RNF216: variants seen among roughly 807,000 people sequenced by gnomAD.
RNF216 encodes the protein ring finger protein 216.
A neutral mutation model predicts 110.8 loss-of-function variants in RNF216; 72 were observed. That is an observed-to-expected ratio of 0.65 (90% confidence interval 0.54 to 0.79). The LOEUF is 0.79. Among genes scored for constraint, RNF216 ranks in the 30% least tolerant of loss-of-function variants. The pLI is 0.00. For synonymous variants in RNF216, 495 were observed against 407.5 expected, an observed-to-expected ratio of 1.21 and a Z score of -2.59; for missense variants, 1,342 against 1,141.2, an observed-to-expected ratio of 1.18 and a Z score of -2.54.
Position 5,676,010 on chromosome 7 carries a change from T to G in RNF216, c.2062-23500A>C, listed in dbSNP as rs1262618102. Among the ~76,000 whole-genome samples the G allele has an allele frequency of 2.1e-5, 3 of 141,932 alleles. 1 individual carries two copies. The highest frequency in any genetic ancestry group is 2.0e-4 in the Admixed American group (3 of 14,838). The allele number at this position is 141,932 out of a possible 152,430, so 93.1% of individuals were successfully genotyped here. A position where few individuals can be genotyped will look rare whatever the true frequency, so the allele number is the denominator to read the frequency against. On this transcript the variant is annotated intron_variant, in intron 13 of 16. Transcript: ENST00000389902. ...AGGCGTGAGCTACTGCGCCTGGCCCTCTTCTTTTTTCTTTTTTTTTTTGAG... is the reference window on the plus strand; with the variant it reads ...AGGCGTGAGCTACTGCGCCTGGCCCGCTTCTTTTTTCTTTTTTTTTTTGAG...
At chr7:5,742,139 C>T (rs925463349) in intron 3 of RNF216, among the ~76,000 whole-genome samples, 10 of 152,140 alleles carry the variant, frequency 6.6e-5, no homozygotes, top group South Asian at 2.1e-4. Flanking sequence ...CTCTGCCTCC[C>T]GGGCTCAAGC....
chr7:5,691,767 T>G (rs1014365488), intron 13 of RNF216, among the ~76,000 whole-genome samples: 4 of 152,204 alleles, frequency 2.6e-5, no homozygotes, highest in Non-Finnish European at 5.9e-5. Context: ...TGTATGAAAT[T>G]GAGGTCAGAG....
intron 13 of RNF216, among the ~76,000 whole-genome samples, chr7:5,685,191 A>G (rs117208734): frequency 0.02 from 2,973 of 152,248 alleles, 45 homozygotes; most frequent in Non-Finnish European, 0.031. Flanking sequence ...AATGTCCACC[A>G]CGGATGGGTG....
chr7:5,657,541 T>C (rs1027751361), intron 13 of RNF216, among the ~76,000 whole-genome samples: 1 of 151,752 alleles, frequency 6.6e-6, no homozygotes, highest in Non-Finnish European at 1.5e-5. Context: ...CACTCCAGCC[T>C]GGGCAACAAG....
At chr7:5,665,396 T>G (rs1789441798) in intron 13 of RNF216, among the ~76,000 whole-genome samples, 1 of 152,218 alleles carries the variant, frequency 6.6e-6, no homozygotes, top group Non-Finnish European at 1.5e-5. Context: ...TTTTTTGTTT[T>G]CATACACACC....
chr7:5,703,020 C>T (rs1274361838), intron 13 of RNF216, among the ~76,000 whole-genome samples: 3 of 152,178 alleles, frequency 2.0e-5, no homozygotes, highest in South Asian at 4.1e-4. Flanking sequence ...CGGCCTGAAC[C>T]TGAAGCTCTT....
intron 13 of RNF216, among the ~76,000 whole-genome samples, chr7:5,686,750 GT>G (rs1791011960): frequency 6.6e-6 from 1 of 152,200 alleles, no homozygotes; most frequent in Non-Finnish European, 1.5e-5. Context: ...AACATTTTTG[GT>G]CCTAGGAACC....
intron 9 of RNF216, among the ~76,000 whole-genome samples, chr7:5,717,055 A>T (rs946261582): frequency 6.6e-6 from 1 of 152,212 alleles, no homozygotes; most frequent in African/African-American, 2.4e-5. Flanking sequence ...CAAACTGAAC[A>T]AATAAAAACT....
intron 1 of RNF216, among the ~76,000 whole-genome samples, chr7:5,767,092 T>A (rs752699727): frequency 3.9e-5 from 6 of 152,238 alleles, no homozygotes; most frequent in Non-Finnish European, 4.4e-5. Context: ...AGACTTTGGC[T>A]CTGGCCATGA....
chr7:5,695,384 C>T (rs1210612617), intron 13 of RNF216, among the ~76,000 whole-genome samples: 1 of 152,146 alleles, frequency 6.6e-6, no homozygotes, highest in African/African-American at 2.4e-5. Flanking sequence ...ACTCCCCAGT[C>T]TGAGGGCCCG....
intron 1 of RNF216, chr7:5,774,907 G>A (rs1395171593): frequency 6.6e-6 from 1 of 152,028 alleles, no homozygotes; most frequent in Admixed American, 6.6e-5. Flanking sequence ...TTGCCACCAT[G>A]CCCAGCTAAT....
chr7:5,643,022 T>C (rs939353277), intron 14 of RNF216, among the ~76,000 whole-genome samples: 1 of 152,054 alleles, frequency 6.6e-6, no homozygotes, highest in Non-Finnish European at 1.5e-5. Context: ...GAGGGTCTAT[T>C]TGCTTGCTCA....
intron 15 of RNF216, among the ~76,000 whole-genome samples, chr7:5,634,346 C>G (rs528369264): frequency 1.3e-5 from 2 of 152,232 alleles, no homozygotes; most frequent in African/African-American, 4.8e-5. Flanking sequence ...TGTGTGGCCA[C>G]AGCTGTTGTT....
intron 1 of RNF216, among the ~76,000 whole-genome samples, chr7:5,765,906 T>A (rs531034880): frequency 4.8e-5 from 7 of 146,692 alleles, no homozygotes; most frequent in African/African-American, 1.8e-4. Flanking sequence ...TGAGCCCAGA[T>A]TGCACCACTG....
chr7:5,638,306 T>G (rs1787524159), intron 15 of RNF216, among the ~76,000 whole-genome samples: 1 of 152,250 alleles, frequency 6.6e-6, no homozygotes, highest in Admixed American at 6.5e-5. Flanking sequence ...TCCTGTTTTT[T>G]GGGATATTTA....
chr7:5,728,282 T>G (rs1325452261), intron 7 of RNF216, among the ~76,000 whole-genome samples: 1 of 152,064 alleles, frequency 6.6e-6, no homozygotes, highest in East Asian at 1.9e-4. Context: ...CTATTTTTCT[T>G]TCAGTCTTTT....
intron 5 of RNF216, 78 bp from the exon 6 acceptor site, chr7:5,730,895 A>G (rs1489826696): frequency 6.4e-7 from 1 of 1,572,106 alleles, no homozygotes; most frequent in Non-Finnish European, 8.7e-7. Flanking sequence ...CAATGGTTGA[A>G]GAATATAGTC....
intron 2 of RNF216, among the ~76,000 whole-genome samples, 169 bp from the exon 3 acceptor site, chr7:5,753,148 T>C (rs1449272979): frequency 6.6e-6 from 1 of 152,242 alleles, no homozygotes; most frequent in African/African-American, 2.4e-5. Flanking sequence ...GTTTCTATGC[T>C]GACTTTTGCC....
rs1786578595 is a variant in RNF216 at position 5,624,357 on chromosome 7, G to C, written c.2383-232C>G. Among the ~76,000 whole-genome samples, 1 of 152,238 alleles carries C rather than the reference G, an allele frequency of 6.6e-6. No individual in the cohort carries two copies. Among genetic ancestry groups the C allele is most frequent in the Non-Finnish European group, 1.5e-5 (1 of 68,044 alleles). On this transcript the variant is annotated intron_variant, in intron 15 of 16. Coordinates refer to ENST00000389902, the MANE Select transcript of RNF216 (RefSeq NM_207111.4). This position sits in a 1 kb window ranked among gnomAD's most constrained non-coding sequence, Gnocchi z 4.4. The stretch of plus-strand genomic sequence containing the variant: ...GGCCATCCACAAGGCTGGGCAGAGG[G>C]GTCTGAGCATGGCAGGCAGCTGCCT...
Sources: allele counts gnomAD v4.1 joint callset (sites outside exome capture counted in the v4.1 genomes callset), GRCh38; gene constraint gnomAD v4.1.1; non-coding constraint Gnocchi (gnomAD v3.1); transcripts MANE v1.5; gene names NCBI Gene and HGNC (gene_info 2026-07-23, HGNC 2026-07-21).